Variants in MTSS1 observed in about 807,000 individuals in gnomAD.
The protein encoded by MTSS1 is MTSS I-BAR domain containing 1, also known as protein MTSS 1.
In MTSS1, 18 loss-of-function variants were observed where a neutral mutation model predicts 79.0. That is an observed-to-expected ratio of 0.23 (90% confidence interval 0.16 to 0.34). MTSS1 has a LOEUF of 0.34. Ranked by LOEUF, MTSS1 falls within the 10% of genes least tolerant of loss-of-function variation. The pLI is 1.00. For missense variants in MTSS1, 815 were observed against 986.2 expected, an observed-to-expected ratio of 0.83 and a Z score of 2.33; for synonymous variants, 341 against 368.6, an observed-to-expected ratio of 0.93 and a Z score of 0.86.
chr8:124,665,357 G>A (rs562688999), intron 3 of MTSS1, among the ~76,000 whole-genome samples: 66 of 152,020 alleles, frequency 4.3e-4, no homozygotes, highest in Non-Finnish European at 7.2e-4. Flanking sequence ...TTCCATCTCC[G>A]CAGACCTGAG....
intron 3 of MTSS1, among the ~76,000 whole-genome samples, chr8:124,662,708 T>C (rs1220835841): frequency 6.6e-6 from 1 of 152,006 alleles, no homozygotes; most frequent in African/African-American, 2.4e-5. Context: ...TTTGTAAATA[T>C]TGGGGGAGGG....
chr8:124,555,338 T>C (rs12543500), intron 13 of MTSS1, among the ~76,000 whole-genome samples: 24,125 of 152,000 alleles, frequency 0.16, 2,405 homozygotes, highest in Admixed American at 0.25. Context: ...CTCTGCCTCC[T>C]GGGTTCACGC....
chr8:124,722,375 G>A (rs79483365), intron 1 of MTSS1, among the ~76,000 whole-genome samples: 200 of 152,260 alleles, frequency 1.3e-3, no homozygotes, highest in African/African-American at 4.6e-3. Flanking sequence ...CGAGATGAGA[G>A]AGCCCCAAGC....
chr8:124,554,818 G>C (rs1823237438), intron 13 of MTSS1, among the ~76,000 whole-genome samples: 1 of 152,196 alleles, frequency 6.6e-6, no homozygotes, highest in African/African-American at 2.4e-5. Context: ...TAACCATAAA[G>C]TGTGTAGTGC....
At chr8:124,626,876 T>C (rs4871521) in intron 3 of MTSS1, among the ~76,000 whole-genome samples, 13,338 of 152,058 alleles carry the variant, frequency 0.088, 816 homozygotes, top group African/African-American at 0.15. Flanking sequence ...CAGAGCCTGA[T>C]ATACGCTGCC....
intron 1 of MTSS1, among the ~76,000 whole-genome samples, chr8:124,713,570 T>G (rs1468462675): frequency 6.6e-6 from 1 of 151,102 alleles, no homozygotes; most frequent in African/African-American, 2.4e-5. Context: ...ATTATAGGCA[T>G]GCACCACCAC....
chr8:124,639,504 T>C (rs915862353), intron 3 of MTSS1, among the ~76,000 whole-genome samples: 2 of 152,212 alleles, frequency 1.3e-5, no homozygotes, highest in Non-Finnish European at 2.9e-5. Flanking sequence ...AGACAGGGTC[T>C]TGTTCTGTGT....
chr8:124,618,959 G>A (rs2133477394), intron 3 of MTSS1, among the ~76,000 whole-genome samples: 2 of 152,320 alleles, frequency 1.3e-5, no homozygotes, highest in South Asian at 4.1e-4. Flanking sequence ...AAATGATTTG[G>A]ACAGATGTTT....
chr8:124,644,839 G>A (rs1184981450), intron 3 of MTSS1, among the ~76,000 whole-genome samples: 2 of 152,146 alleles, frequency 1.3e-5, no homozygotes, highest in South Asian at 4.1e-4. Flanking sequence ...GTATAAGAGG[G>A]CTTAAAACAT....
intron 3 of MTSS1, among the ~76,000 whole-genome samples, chr8:124,665,823 T>C (rs1300266240): frequency 1.4e-5 from 2 of 146,564 alleles, no homozygotes; most frequent in Admixed American, 7.0e-5. Context: ...GCTGAGATTG[T>C]GCCATTGCAC....
Position 124,728,241 on chromosome 8 carries a change from G to C in MTSS1, c.-286C>G, listed in dbSNP as rs114251099. The C allele has an allele frequency of 8.8e-5, 26 of 296,424 alleles. No individual in the cohort carries two copies. Among genetic ancestry groups the C allele is most frequent in the Middle Eastern group, 9.3e-4 (1 of 1,076 alleles). The allele number at this position is 296,424 out of a possible 1,614,324, so 18.4% of individuals were successfully genotyped here. On this transcript the variant is annotated 5_prime_UTR_variant, in exon 1 of 14. Coordinates refer to ENST00000518547, the MANE Select transcript of MTSS1 (RefSeq NM_014751.6). This position sits in a 1 kb window ranked among gnomAD's most constrained non-coding sequence, Gnocchi z 6.1. ...AAGACTGACAATCAGGCCACCACTG[G>C]TGCCCACTACGGAAACGGCAAAGCC...
chr8:124,695,241 A>T (rs1393476100), intron 3 of MTSS1, among the ~76,000 whole-genome samples: 1 of 152,196 alleles, frequency 6.6e-6, no homozygotes, highest in Non-Finnish European at 1.5e-5. Context: ...TGGAAACCAG[A>T]GCGACCTGCT....
chr8:124,679,680 G>A (rs924217975), intron 3 of MTSS1, among the ~76,000 whole-genome samples: 1 of 152,148 alleles, frequency 6.6e-6, no homozygotes, highest in African/African-American at 2.4e-5. Context: ...GATGTGATAT[G>A]GAAACTCCTG....
At position 124,728,006 on chromosome 8, in the gene MTSS1, G is replaced by A; in HGVS notation, c.-51C>T. The A allele has an allele frequency of 1.9e-6, 3 of 1,541,120 alleles. No homozygotes were observed. Among genetic ancestry groups the A allele is most frequent in the South Asian group, 1.1e-5 (1 of 87,674 alleles). ...CACACACGCGGGGCCGCTGGACTGCGCGCGGGGCCGGGGCTCGCTCACCCC... is the reference window on the plus strand; with the variant it reads ...CACACACGCGGGGCCGCTGGACTGCACGCGGGGCCGGGGCTCGCTCACCCC... On this transcript the variant is annotated 5_prime_UTR_variant, in exon 1 of 14. Coordinates refer to ENST00000518547, the MANE Select transcript of MTSS1 (RefSeq NM_014751.6). This position sits in a 1 kb window ranked among gnomAD's most constrained non-coding sequence, Gnocchi z 6.1.
At chr8:124,560,995 C>G (rs767448209) in intron 10 of MTSS1, among the ~76,000 whole-genome samples, 1 of 152,210 alleles carries the variant, frequency 6.6e-6, no homozygotes, top group African/African-American at 2.4e-5. Context: ...TTACTGCCTT[C>G]AGGAGATTGT....
chr8:124,580,390 C>T (rs984820865), intron 6 of MTSS1: 23 of 699,986 alleles, frequency 3.3e-5, no homozygotes, highest in African/African-American at 2.7e-4. Flanking sequence ...ACAACGCACA[C>T]ACAATTTTCT....
rs369954963 is a variant in MTSS1, at chr8:124,639,246, G to A, written c.209-48011C>T. On this transcript the variant is annotated intron_variant, in intron 3 of 13. Coordinates refer to ENST00000518547, the MANE Select transcript of MTSS1 (RefSeq NM_014751.6). Reference sequence around the variant, plus strand: ...TGAGTTACTCGGGAGGCTGCGGCAGGAGAATCGCTTGAACCCAGGAGGCAG... The same window carrying A: ...TGAGTTACTCGGGAGGCTGCGGCAGAAGAATCGCTTGAACCCAGGAGGCAG... Among the ~76,000 whole-genome samples, 157 of 152,254 alleles carry A rather than the reference G, an allele frequency of 1.0e-3. 2 individuals carry two copies. Among genetic ancestry groups the A allele is most frequent in the African/African-American group, 3.6e-3 (151 of 41,538 alleles).
chr8:124,701,373 T>C lies in MTSS1; in HGVS notation c.135-1774A>G, dbSNP rs371516964. ...TGGGAAAATCTAGGCAACAGTCCCT[T>C]ACAGCCAAACTTCAAAATGAGGCCT... On this transcript the variant is annotated intron_variant, in intron 2 of 13. Transcript: ENST00000518547. Among the ~76,000 whole-genome samples the C allele has an allele frequency of 7.5e-4, 115 of 152,326 alleles. 4 individuals carry two copies. In the South Asian group the frequency reaches 0.023, roughly 31 times the overall value.
At chr8:124,681,740 A>G (rs1826161253) in intron 3 of MTSS1, among the ~76,000 whole-genome samples, 1 of 152,232 alleles carries the variant, frequency 6.6e-6, no homozygotes, top group African/African-American at 2.4e-5. Flanking sequence ...GTGAGCCGAG[A>G]TCATGCCATT....
Sources: allele counts gnomAD v4.1 joint callset (sites outside exome capture counted in the v4.1 genomes callset), GRCh38; gene constraint gnomAD v4.1.1; non-coding constraint Gnocchi (gnomAD v3.1); transcripts MANE v1.5; gene names NCBI Gene and HGNC (gene_info 2026-07-23, HGNC 2026-07-21).